SATL1: variants seen among roughly 807,000 people sequenced by gnomAD.
The protein encoded by SATL1 is spermidine/spermine N1-acetyl transferase like 1.
A neutral mutation model predicts 51.8 loss-of-function variants in SATL1; 47 were observed. The observed-to-expected ratio is 0.91, with a 90% confidence interval of 0.72 to 1.16. The LOEUF is 1.16. Among genes scored for constraint, SATL1 ranks in the 50% most tolerant of loss-of-function variants. The pLI is 0.00. For synonymous variants in SATL1, 176 were observed against 182.4 expected (o/e 0.97, Z 0.28); for missense variants, 520 against 526.4 (o/e 0.99, Z 0.12).
At chrX:85,134,254 C>T (rs1162197857) in intron 2 of SATL1, among the ~76,000 whole-genome samples, 1 of 110,312 alleles carries the variant, frequency 9.1e-6, no homozygotes, top group Non-Finnish European at 1.9e-5. Flanking sequence ...TAATGGAAAG[C>T]TTCAAGATGG....
At chrX:85,233,152 C>T (rs1040820896) in intron 1 of SATL1, among the ~76,000 whole-genome samples, 3 of 111,776 alleles carry the variant, frequency 2.7e-5, no homozygotes, top group African/African-American at 6.5e-5. Flanking sequence ...AGAGTCTCTG[C>T]TGGTAATCCA....
chrX:85,110,272 G>T (rs764017634), intron 2 of SATL1, among the ~76,000 whole-genome samples: 1 of 110,926 alleles, frequency 9.0e-6, no homozygotes, highest in African/African-American at 3.3e-5. Context: ...CATTCCACTC[G>T]TTCTCCATCC....
intron 2 of SATL1, among the ~76,000 whole-genome samples, chrX:85,168,423 AG>A (rs1269887825): frequency 8.9e-6 from 1 of 112,110 alleles, no homozygotes; most frequent in Non-Finnish European, 1.9e-5. Context: ...AAACAACTTC[AG>A]CAAAGTCTAG....
chrX:85,136,012 A>T (rs1270460665), intron 2 of SATL1, among the ~76,000 whole-genome samples: 1 of 110,537 alleles, frequency 9.0e-6, no homozygotes, highest in Non-Finnish European at 1.9e-5. Context: ...AAGAAAAAGG[A>T]CACAATTCAA....
intron 4 of SATL1, among the ~76,000 whole-genome samples, chrX:85,102,679 C>A (rs1375968379): frequency 9.0e-6 from 1 of 111,392 alleles, no homozygotes; most frequent in South Asian, 3.8e-4. Flanking sequence ...TACATATTAT[C>A]CTGAGCAGTA....
chrX:85,184,871 T>C (rs1436744018), intron 2 of SATL1, among the ~76,000 whole-genome samples: 1 of 112,135 alleles, frequency 8.9e-6, no homozygotes, highest in African/African-American at 3.2e-5. Flanking sequence ...TTTACCTGAA[T>C]GGTCTCTGCA....
chrX:85,241,047 C>T (rs373372980), intron 1 of SATL1, among the ~76,000 whole-genome samples: 61 of 110,742 alleles, frequency 5.5e-4, no homozygotes, highest in African/African-American at 2.0e-3. Flanking sequence ...CCCAAGGAGT[C>T]CTGGTACCTT....
intron 2 of SATL1, among the ~76,000 whole-genome samples, chrX:85,175,958 A>C (rs1280789158): frequency 6.3e-5 from 7 of 111,714 alleles, no homozygotes; most frequent in Non-Finnish European, 1.1e-4. Flanking sequence ...CAGCATTCTG[A>C]GGGCAGAGAG....
intron 2 of SATL1, among the ~76,000 whole-genome samples, chrX:85,160,485 G>A (rs1390086479): frequency 9.1e-6 from 1 of 110,364 alleles, no homozygotes; most frequent in Non-Finnish European, 1.9e-5. Context: ...GTATAGAAAT[G>A]AACGAAACTG....
intron 2 of SATL1, among the ~76,000 whole-genome samples, chrX:85,193,434 G>C (rs1005927090): frequency 7.2e-5 from 8 of 111,846 alleles, no homozygotes; most frequent in African/African-American, 2.6e-4. Flanking sequence ...GAGTGCAAGT[G>C]TGTCTTATTT....
At chrX:85,232,406 G>A (rs1200729251) in intron 1 of SATL1, among the ~76,000 whole-genome samples, 1 of 111,489 alleles carries the variant, frequency 9.0e-6, no homozygotes, top group Non-Finnish European at 1.9e-5. Context: ...TTTGAGAAAA[G>A]AAGAGGAATG....
intron 2 of SATL1, among the ~76,000 whole-genome samples, chrX:85,160,182 T>C (rs1256903836): frequency 9.2e-6 from 1 of 109,182 alleles, no homozygotes; most frequent in Non-Finnish European, 1.9e-5. Flanking sequence ...AAAAAAAATC[T>C]AGAGGACAGC....
intron 2 of SATL1, among the ~76,000 whole-genome samples, chrX:85,142,104 A>T (rs1457598272): frequency 9.3e-6 from 1 of 107,417 alleles, no homozygotes; most frequent in Non-Finnish European, 1.9e-5. Context: ...TTTTTTAGAA[A>T]TTGAAGTAGA....
intron 2 of SATL1, chrX:85,156,208 A>G (rs1023850272): frequency 9.0e-6 from 1 of 111,701 alleles, no homozygotes; most frequent in Non-Finnish European, 1.9e-5. Flanking sequence ...TATAGTCTGA[A>G]AATGGGAGCA....
chrX:85,191,289 C>T (rs929467295), intron 2 of SATL1, among the ~76,000 whole-genome samples: 2 of 111,318 alleles, frequency 1.8e-5, no homozygotes, highest in African/African-American at 6.5e-5. Context: ...TTATTGGATA[C>T]ATTTTGATAT....
At chrX:85,125,519 A>AGTGT (rs72067285) in intron 2 of SATL1, among the ~76,000 whole-genome samples, 9,376 of 98,297 alleles carry the variant, frequency 0.095, 447 homozygotes, top group African/African-American at 0.16. Flanking sequence ...CACATAGGAA[A>AGTGT]GTGTGTGTGT....
chrX:85,191,195 A>G (rs868684934), intron 2 of SATL1, among the ~76,000 whole-genome samples: 13 of 111,534 alleles, frequency 1.2e-4, no homozygotes, highest in African/African-American at 4.2e-4. Flanking sequence ...CAATACTTCT[A>G]CACACATAAT....
chrX:85,149,120 G>A (rs1245304605), intron 2 of SATL1, among the ~76,000 whole-genome samples: 2 of 111,287 alleles, frequency 1.8e-5, no homozygotes, highest in Admixed American at 9.6e-5. Context: ...GATGGAGGAG[G>A]ATCTACCAAG....
chrX:85,107,676 C>G lies in SATL1; in HGVS notation c.1293G>C (p.Lys431Asn), dbSNP rs772041261. Reference sequence around the variant, plus strand: ...CTCGTTGCCACATGCCTGGTGGACTCTTGTTTGGTTGCCTCGGGACTGGTT... The same window carrying G: ...CTCGTTGCCACATGCCTGGTGGACTGTTGTTTGGTTGCCTCGGGACTGGTT... ...LSQPVPRQPNKSPPGMWQRGM... is the reference protein window; with the variant it reads ...LSQPVPRQPNNSPPGMWQRGM... The change falls in exon 3 of 8, where the codon AAG becomes AAC. Residue 431 changes from lysine (K) to asparagine (N), a missense_variant. This residue lies in a region of SATL1 where 488 missense variants were observed against 474.3 expected (regional missense o/e 1.03). Coordinates refer to ENST00000644105, the MANE Select transcript of SATL1 (RefSeq NM_001367857.2). 1.2e-5 allele frequency: 14 copies of G among 1,212,106 alleles called. No homozygotes were observed. Among genetic ancestry groups the G allele is most frequent in the Non-Finnish European group, 1.6e-5 (14 of 895,619 alleles).
Sources: gnomAD v4.1 joint callset for allele counts (sites outside exome capture counted in the v4.1 genomes callset) on GRCh38, gnomAD v4.1.1 for gene constraint, gnomAD v4.1.1 regional missense constraint, MANE v1.5 for transcripts, NCBI Gene and HGNC (gene_info 2026-07-23, HGNC 2026-07-21) for gene names.